Variants in PIK3C2G observed in about 807,000 individuals in gnomAD.
PIK3C2G encodes phosphatidylinositol-4-phosphate 3-kinase catalytic subunit type 2 gamma.
In PIK3C2G, 168 loss-of-function variants were observed where a neutral mutation model predicts 181.1. That is an observed-to-expected ratio of 0.93 (90% CI 0.82 to 1.05). The LOEUF (loss-of-function observed/expected upper bound fraction) is 1.05, where lower values mean the gene tolerates loss of function less well. Ranked by LOEUF, PIK3C2G falls within the 50% of genes least tolerant of loss-of-function variation. PIK3C2G has a pLI of 0.00. For missense variants in PIK3C2G, 1,869 were observed against 1,732.8 expected (o/e 1.08, Z -1.40); for synonymous variants, 573 against 592.2 (o/e 0.97, Z 0.47).
chr12:18,671,373 A>G, the PIK3C2G span, among the ~76,000 whole-genome samples: 1 of 152,072 alleles, frequency 6.6e-6, no homozygotes, highest in African/African-American at 2.4e-5. Flanking sequence ...GGGAAGAAAC[A>G]GACACATGTA....
intron 31 of PIK3C2G, among the ~76,000 whole-genome samples, chr12:18,619,066 G>T (rs1948729324): frequency 6.6e-6 from 1 of 150,838 alleles, no homozygotes; most frequent in Non-Finnish European, 1.5e-5. Context: ...CTTAGTGAAA[G>T]ACATAAATTT....
chr12:18,348,762 C>G (rs1030251335), intron 11 of PIK3C2G, among the ~76,000 whole-genome samples: 4 of 152,252 alleles, frequency 2.6e-5, no homozygotes, highest in African/African-American at 9.6e-5. Flanking sequence ...TAACCAATTA[C>G]CCCAAAGCTT....
At chr12:18,411,079 T>C (rs778314438) in intron 16 of PIK3C2G, among the ~76,000 whole-genome samples, 5 of 152,188 alleles carry the variant, frequency 3.3e-5, no homozygotes, top group Non-Finnish European at 5.9e-5. Flanking sequence ...ATTCCTGTTA[T>C]ATCATGACTG....
chr12:18,500,610 A>C (rs868718924), intron 22 of PIK3C2G, among the ~76,000 whole-genome samples: 17 of 152,270 alleles, frequency 1.1e-4, no homozygotes, highest in Middle Eastern at 6.8e-3. Flanking sequence ...TGGGCTCCTG[A>C]GTCTGGTAGG....
chr12:18,527,523 T>C (rs576288734), intron 24 of PIK3C2G, among the ~76,000 whole-genome samples: 106 of 152,332 alleles, frequency 7.0e-4, no homozygotes, highest in African/African-American at 2.4e-3. Flanking sequence ...CTAATGTGTA[T>C]TTAAAATGCA....
chr12:18,575,316 C>T (rs765053395), intron 29 of PIK3C2G, among the ~76,000 whole-genome samples: 104 of 152,234 alleles, frequency 6.8e-4, no homozygotes, highest in Non-Finnish European at 1.2e-3. Context: ...AAATCAGAAA[C>T]TTAAGAGGTG....
chr12:18,614,396 A>G (rs923013150), intron 31 of PIK3C2G, among the ~76,000 whole-genome samples: 1 of 152,152 alleles, frequency 6.6e-6, no homozygotes, highest in Non-Finnish European at 1.5e-5. Context: ...ACCTGTTATC[A>G]GTGACCTCTT....
intron 24 of PIK3C2G, among the ~76,000 whole-genome samples, chr12:18,511,652 T>A (rs566228789): frequency 1.3e-5 from 2 of 152,234 alleles, no homozygotes; most frequent in African/African-American, 4.8e-5. Context: ...TTTGCTTATT[T>A]TTTTAATGTT....
At chr12:18,605,707 A>C (rs1045613871) in intron 30 of PIK3C2G, among the ~76,000 whole-genome samples, 4 of 152,142 alleles carry the variant, frequency 2.6e-5, no homozygotes, top group Non-Finnish European at 5.9e-5. Context: ...GACTAACTTG[A>C]AGCAGAAGAC....
chr12:18,720,234 C>T, the PIK3C2G span, among the ~76,000 whole-genome samples: 1 of 152,030 alleles, frequency 6.6e-6, no homozygotes, highest in African/African-American at 2.4e-5. Flanking sequence ...CATTGTATGA[C>T]TATGCCACAA....
At chr12:18,638,279 A>G (rs1375111649) in intron 31 of PIK3C2G, among the ~76,000 whole-genome samples, 1 of 152,146 alleles carries the variant, frequency 6.6e-6, no homozygotes, top group East Asian at 1.9e-4. Flanking sequence ...GGAGGCTATC[A>G]CTATTTGCTC....
At chr12:18,375,075 T>C (rs959686687) in intron 13 of PIK3C2G, among the ~76,000 whole-genome samples, 2 of 152,186 alleles carry the variant, frequency 1.3e-5, no homozygotes, top group Non-Finnish European at 2.9e-5. Context: ...GAGTAGGGTA[T>C]TGCTATGAAG....
chr12:18,335,658 C>A (rs929985746), intron 8 of PIK3C2G, among the ~76,000 whole-genome samples: 1 of 152,076 alleles, frequency 6.6e-6, no homozygotes, highest in Non-Finnish European at 1.5e-5. Context: ...TCTTAGTTTC[C>A]AAAATTTGGA....
chr12:18,286,628 G>A (rs1949456520), intron 2 of PIK3C2G, among the ~76,000 whole-genome samples: 1 of 152,014 alleles, frequency 6.6e-6, no homozygotes, highest in Non-Finnish European at 1.5e-5. Context: ...TATTGTCATT[G>A]GGGTACTGAT....
At chr12:18,518,184 G>C (rs1264785640) in intron 24 of PIK3C2G, among the ~76,000 whole-genome samples, 1 of 152,124 alleles carries the variant, frequency 6.6e-6, no homozygotes, top group Non-Finnish European at 1.5e-5. Flanking sequence ...AGGGATGTTG[G>C]CCTGAAGTTT....
intron 1 of PIK3C2G, among the ~76,000 whole-genome samples, chr12:18,267,999 T>C (rs1248346780): frequency 6.6e-6 from 1 of 152,190 alleles, no homozygotes; most frequent in Non-Finnish European, 1.5e-5. Context: ...GGTGTTGCTG[T>C]GCAACAGATC....
chr12:18,290,790 AAT>A (rs760889384), intron 3 of PIK3C2G, 63 bp from the exon 4 acceptor site: 3 of 966,688 alleles, frequency 3.1e-6, no homozygotes, highest in Non-Finnish European at 4.8e-6. Flanking sequence ...CATTGTGGGC[AAT>A]ATGTTTTAAA....
At chr12:18,687,674 C>T in the PIK3C2G span, among the ~76,000 whole-genome samples, 131 of 152,106 alleles carry the variant, frequency 8.6e-4, no homozygotes, top group African/African-American at 3.0e-3. Flanking sequence ...AAGCCATAGA[C>T]TTTTAATCTA....
At chr12:18,312,281 C>T (rs958648171) in intron 5 of PIK3C2G, among the ~76,000 whole-genome samples, 4 of 152,144 alleles carry the variant, frequency 2.6e-5, no homozygotes, top group East Asian at 1.9e-4. Context: ...GAAGTATACA[C>T]GCAGGTGGAT....
Sources: gnomAD v4.1 joint callset for allele counts (sites outside exome capture counted in the v4.1 genomes callset) on GRCh38, gnomAD v4.1.1 for gene constraint, MANE v1.5 for transcripts, NCBI Gene and HGNC (gene_info 2026-07-23, HGNC 2026-07-21) for gene names.